GPATCH2: variants seen among roughly 807,000 people sequenced by gnomAD.
The protein encoded by GPATCH2 is G patch domain-containing protein 2.
Under a neutral mutation model 58.0 loss-of-function variants are expected in GPATCH2, and 51 were observed. That is an observed-to-expected ratio of 0.88 (90% CI 0.70 to 1.11). The LOEUF is 1.11. Among genes scored for constraint, GPATCH2 ranks in the 50% most tolerant of loss-of-function variants. The pLI, the probability that GPATCH2 is intolerant of heterozygous loss-of-function variation, is 0.00. For missense variants in GPATCH2, 625 were observed against 652.2 expected, an observed-to-expected ratio of 0.96 and a Z score of 0.45; for synonymous variants, 222 against 218.5, an observed-to-expected ratio of 1.02 and a Z score of -0.14.
chr1:217,506,282 A>G (rs1273464688), intron 6 of GPATCH2, among the ~76,000 whole-genome samples: 1 of 152,172 alleles, frequency 6.6e-6, no homozygotes, highest in Non-Finnish European at 1.5e-5. Flanking sequence ...AATGGTATAC[A>G]GTCTTCTATA....
chr1:217,588,599 G>A (rs542035568), intron 5 of GPATCH2, among the ~76,000 whole-genome samples: 1 of 152,168 alleles, frequency 6.6e-6, no homozygotes, highest in Non-Finnish European at 1.5e-5. Flanking sequence ...CCTTCAAAAT[G>A]AAATAGAGTA....
At chr1:217,498,568 T>C (rs755684684) in intron 6 of GPATCH2, 173 bp from the exon 7 acceptor site, 1 of 631,004 alleles carries the variant, frequency 1.6e-6, no homozygotes. Flanking sequence ...TTGACAGAAC[T>C]GTAAAAGTGC....
At chr1:217,616,851 C>T (rs950745201) in intron 2 of GPATCH2, among the ~76,000 whole-genome samples, 7 of 152,070 alleles carry the variant, frequency 4.6e-5, no homozygotes, top group Admixed American at 3.9e-4. Context: ...TGTTCAATTC[C>T]TATATTTTCC....
intron 8 of GPATCH2, among the ~76,000 whole-genome samples, chr1:217,477,142 C>A (rs1182601632): frequency 6.6e-6 from 1 of 152,090 alleles, no homozygotes; most frequent in East Asian, 1.9e-4. Context: ...CAGAAGGGAA[C>A]CCACTGCCTT....
intron 2 of GPATCH2, among the ~76,000 whole-genome samples, chr1:217,615,368 C>G (rs1413737914): frequency 6.6e-6 from 1 of 152,006 alleles, no homozygotes; most frequent in Non-Finnish European, 1.5e-5. Context: ...AAATTAAGTG[C>G]ATGTACAAAG....
chr1:217,620,644 A>C, intron 1 of GPATCH2, 145 bp from the exon 2 acceptor site: 1 of 582,588 alleles, frequency 1.7e-6, no homozygotes, highest in South Asian at 2.5e-5. Context: ...CCAAGATATT[A>C]CAGTTTTAAA....
rs543484305 is a variant in GPATCH2 at position 217,610,544 on chromosome 1, C to G, written c.1019-144G>C. The G allele has an allele frequency of 2.0e-4, 123 of 620,024 alleles. No individual in the cohort carries two copies. The South Asian group carries it at 2.3e-3, about 11-fold the overall frequency. 38.4% of individuals were successfully genotyped at this position (620,024 alleles called of 1,614,324 possible). On this transcript the variant is annotated intron_variant, in intron 4 of 9. Coordinates refer to ENST00000366935, the MANE Select transcript of GPATCH2 (RefSeq NM_018040.5). ...ATATTATTTGGGAAAATGCAAAACT[C>G]ACACTTAAAAAAACTGAAGCAATGC...
chr1:217,482,789 T>C (rs1042271376), intron 8 of GPATCH2, among the ~76,000 whole-genome samples: 1 of 152,166 alleles, frequency 6.6e-6, no homozygotes, highest in South Asian at 2.1e-4. Flanking sequence ...AAGTATACAA[T>C]TTGATAAGTT....
rs181491810 is a variant in GPATCH2 at position 217,570,506 on chromosome 1, C to A, written c.1098+39815G>T. 1.1e-3 allele frequency among the ~76,000 whole-genome samples: 161 copies of A among 152,276 alleles called. 1 individual carries two copies. Among genetic ancestry groups the A allele is most frequent in the Non-Finnish European group, 6.3e-4 (43 of 68,024 alleles). ...TTACTATAAATCTTTCTATAAGTAT[C>A]TTGCGGCCCAAGACAGAGAACATTT... On this transcript the variant is annotated intron_variant, in intron 5 of 9. Coordinates refer to ENST00000366935, the MANE Select transcript of GPATCH2 (RefSeq NM_018040.5).
intron 8 of GPATCH2, among the ~76,000 whole-genome samples, chr1:217,466,842 T>C (rs2102495697): frequency 6.6e-6 from 1 of 151,238 alleles, no homozygotes; most frequent in East Asian, 1.9e-4. Flanking sequence ...GAGAGAGATG[T>C]TTGCTTCTCT....
intron 8 of GPATCH2, among the ~76,000 whole-genome samples, chr1:217,479,599 GA>G (rs955699560): frequency 9.9e-5 from 15 of 151,972 alleles, no homozygotes; most frequent in African/African-American, 3.6e-4. Flanking sequence ...AAGAAAGAAA[GA>G]AGAGAAGACC....
intron 5 of GPATCH2, among the ~76,000 whole-genome samples, chr1:217,562,042 C>T (rs1665955007): frequency 6.6e-6 from 1 of 152,156 alleles, no homozygotes; most frequent in Non-Finnish European, 1.5e-5. Flanking sequence ...TTTCTACCAC[C>T]AAAGCCCCGC....
chr1:217,630,866 G>A, intron 1 of GPATCH2, 50 bp downstream of exon 1: 2 of 1,386,794 alleles, frequency 1.4e-6, no homozygotes, highest in Non-Finnish European at 1.0e-6. Context: ...GCGGCCTCGG[G>A]CAATCACACC....
At chr1:217,494,574 A>G (rs1661913691) in intron 7 of GPATCH2, among the ~76,000 whole-genome samples, 1 of 152,114 alleles carries the variant, frequency 6.6e-6, no homozygotes, top group Non-Finnish European at 1.5e-5. Flanking sequence ...CCTTGTCTCT[A>G]CTAAAAATAG....
chr1:217,609,078 T>G (rs1246894166), intron 5 of GPATCH2: 1 of 783,658 alleles, frequency 1.3e-6, no homozygotes, highest in East Asian at 1.3e-4. Context: ...AATACACATA[T>G]TAAATCACAT....
In GPATCH2 at chr1:217,430,832, T is replaced by C; in HGVS notation, c.*313A>G. Reference sequence around the variant, plus strand: ...GGCATTGCAGCACTGCACACATACATGAATTAAGCAAAGCATCGGAAAGTA... The same window carrying C: ...GGCATTGCAGCACTGCACACATACACGAATTAAGCAAAGCATCGGAAAGTA... On this transcript the variant is annotated 3_prime_UTR_variant, in exon 10 of 10. Coordinates refer to ENST00000366935, the MANE Select transcript of GPATCH2 (RefSeq NM_018040.5). 1 of 375,082 alleles carries C rather than the reference T, an allele frequency of 2.7e-6. No homozygotes were observed. The highest frequency in any genetic ancestry group is 4.9e-6 in the Non-Finnish European group (1 of 203,534). The allele number at this position is 375,082 out of a possible 1,614,324, so 23.2% of individuals were successfully genotyped here. A position where few individuals can be genotyped will look rare whatever the true frequency, so the allele number is the denominator to read the frequency against.
At chr1:217,617,456 C>A (rs1386251307) in intron 2 of GPATCH2, among the ~76,000 whole-genome samples, 1 of 152,140 alleles carries the variant, frequency 6.6e-6, no homozygotes, top group Non-Finnish European at 1.5e-5. Context: ...CTGTTGAGAA[C>A]AGAGTCTCCA....
intron 5 of GPATCH2, among the ~76,000 whole-genome samples, chr1:217,598,010 C>T (rs181792518): frequency 6.6e-6 from 1 of 152,254 alleles, no homozygotes; most frequent in East Asian, 1.9e-4. Context: ...CAATGAAAAC[C>T]TTGGAAACTA....
chr1:217,535,416 C>T (rs974373649), intron 5 of GPATCH2, among the ~76,000 whole-genome samples: 1 of 152,068 alleles, frequency 6.6e-6, no homozygotes, highest in Admixed American at 6.5e-5. Flanking sequence ...GTGGCGTGAG[C>T]CCAGCTCACT....
Sources: gnomAD v4.1 joint callset for allele counts (sites outside exome capture counted in the v4.1 genomes callset) on GRCh38, gnomAD v4.1.1 for gene constraint, MANE v1.5 for transcripts, NCBI Gene and HGNC (gene_info 2026-07-23, HGNC 2026-07-21) for gene names.